The following CERS1 variants were observed in gnomAD, a reference collection of about 807,000 sequenced individuals.
CERS1 encodes the protein Embryonic growth/differentiation factor 1.
A neutral mutation model predicts 35.7 loss-of-function variants in CERS1; 16 were observed. The observed-to-expected ratio is 0.45, with a 90% CI of 0.30 to 0.68. The LOEUF (loss-of-function observed/expected upper bound fraction) is 0.68. CERS1 is among the 30% of genes least tolerant of loss of function. CERS1 has a pLI of 0.08. For synonymous variants in CERS1, 243 were observed against 201.6 expected (o/e 1.21, Z -1.74); for missense variants, 454 against 453.9 (o/e 1.00, Z 0.00).
In CERS1 at chr19:18,879,381, A is replaced by C; in HGVS notation, c.760T>G (p.Phe254Val). 1 of 1,565,820 alleles carries C rather than the reference A, an allele frequency of 6.4e-7. No individual in the cohort carries two copies. Among genetic ancestry groups the C allele is most frequent in the South Asian group, 1.2e-5 (1 of 85,246 alleles). The change falls in exon 5 of 8, where the codon TTC (phenylalanine) becomes GTC (valine). Residue 254 changes from phenylalanine to valine, a missense_variant. Physicochemically the swap from Phe to Val is conservative, Grantham distance 50. Transcript: ENST00000623882. ...TTGAGCGGGAACCAGTAGAGGCGGA[A>C]CCAGAACCTGCGGTGGGAGGAGTCA... ...CLSFGFSWFW[F>V]RLYWFPLKVL...
chr19:18,890,783 G>GAAAA (rs35488506), intron 2 of CERS1, among the ~76,000 whole-genome samples: 9 of 99,770 alleles, frequency 9.0e-5, no homozygotes, highest in Admixed American at 3.5e-4. Context: ...CGCGTCTGGG[G>GAAAA]AAAAAAAAAA....
At position 18,870,513 on chromosome 19, in the gene CERS1, G is replaced by A; in HGVS notation, c.*64C>T. The A allele has an allele frequency of 2.0e-6, 1 of 495,734 alleles. No homozygotes were observed. The highest frequency in any genetic ancestry group is 3.6e-6 in the Non-Finnish European group (1 of 276,034). 30.7% of individuals were successfully genotyped at this position (495,734 alleles called of 1,614,324 possible). A position where few individuals can be genotyped will look rare whatever the true frequency, so the allele number is the denominator to read the frequency against. ...TTGGAGGGGGTGGAGGGGCGGCCAA[G>A]GACGGGGAGCGTGGCCGGGGTATTC... On this transcript the variant is annotated 3_prime_UTR_variant, in exon 7 of 8. Coordinates refer to ENST00000623882, the MANE Select transcript of CERS1 (RefSeq NM_021267.5). This position sits in a 1 kb window ranked among gnomAD's most constrained non-coding sequence, Gnocchi z 5.1.
upstream of CERS1, chr19:18,896,807 C>T (rs759907823): frequency 2.6e-5 from 4 of 152,380 alleles, no homozygotes; most frequent in Admixed American, 6.5e-5. This position sits in a 1 kb window ranked among gnomAD's most constrained non-coding sequence, Gnocchi z 5.9. Context: ...CTGGGCACTT[C>T]CCAGGCATCT....
Position 18,868,557 on chromosome 19 carries a change from C to A in CERS1, c.*1428G>T. 2.7e-6 allele frequency: 4 copies of A among 1,463,396 alleles called. No homozygotes were observed. Among genetic ancestry groups the A allele is most frequent in the Non-Finnish European group, 3.7e-6 (4 of 1,069,914 alleles). The allele number at this position is 1,463,396 out of a possible 1,614,324, so 90.7% of individuals were successfully genotyped here. A position where few individuals can be genotyped will look rare whatever the true frequency, so the allele number is the denominator to read the frequency against. On this transcript the variant is annotated 3_prime_UTR_variant, in exon 8 of 8. Coordinates refer to ENST00000623882, the MANE Select transcript of CERS1 (RefSeq NM_021267.5). ...AAGGAGACCAGCGGAGCAGACCACG[C>A]GGCATTTATTGTTGGGCCCGCGTCC...
chr19:18,880,428 TG>T lies in CERS1; in HGVS notation c.597del (p.His199GlnfsTer96). On this transcript the variant is annotated frameshift_variant, in exon 4 of 8. Transcript: ENST00000623882. LOFTEE classifies it high-confidence loss of function. ...AGGAAGAGCACAAGGATGCCCACAT[TG>T]TGGTACCTGGGGGAGCAGCAGGCAG... ...LIVSSYAFRY[H>X]NVGILVLFLH... is the part of the protein sequence containing the mutation. The T allele has an allele frequency of 6.3e-7, 1 of 1,584,412 alleles. No individual in the cohort carries two copies. Among genetic ancestry groups the T allele is most frequent in the Non-Finnish European group, 8.6e-7 (1 of 1,163,518 alleles).
intron 7 of CERS1, 57 bp from the exon 8 acceptor site, chr19:18,869,447 G>C (rs1032216804): frequency 3.4e-4 from 509 of 1,514,508 alleles, no homozygotes; most frequent in Admixed American, 7.8e-4. Context: ...TGCCCATGGG[G>C]TCTCGGTTAG....
intron 2 of CERS1, 76 bp downstream of exon 2, chr19:18,893,340 G>A: frequency 2.0e-6 from 3 of 1,473,400 alleles, no homozygotes; most frequent in Non-Finnish European, 2.7e-6. Flanking sequence ...TCTGCCTCAT[G>A]AGTAGCTGGG....
intron 7 of CERS1, 143 bp from the exon 8 acceptor site, chr19:18,869,533 G>A: frequency 9.7e-6 from 9 of 926,088 alleles, no homozygotes; most frequent in Non-Finnish European, 1.2e-5. Flanking sequence ...GGGGTGGGCT[G>A]ATGGAGTGGG....
chr19:18,896,924 C>CCG (rs1555707697), upstream of CERS1, among the ~76,000 whole-genome samples: 2 of 132,090 alleles, frequency 1.5e-5, no homozygotes, highest in African/African-American at 3.0e-5. This position sits in a 1 kb window ranked among gnomAD's most constrained non-coding sequence, Gnocchi z 5.9. Context: ...CTGGGGAACC[C>CCG]GGGGGGGGGG....
intron 7 of CERS1, 111 bp from the exon 8 acceptor site, chr19:18,869,501 T>C (rs1345332165): frequency 2.3e-5 from 29 of 1,252,988 alleles, no homozygotes; most frequent in Non-Finnish European, 2.9e-5. Flanking sequence ...GCGCACCGTC[T>C]GTGGGAAGGG....
chr19:18,874,966 G>C (rs1400012191), intron 6 of CERS1, among the ~76,000 whole-genome samples: 1 of 152,206 alleles, frequency 6.6e-6, no homozygotes, highest in South Asian at 2.1e-4. Context: ...CAGGCAAAGT[G>C]GCTCATGCCT....
rs761391531 is a variant in CERS1 at position 18,893,471 on chromosome 19, G to T, written c.354C>A (p.Tyr118Ter). The stretch of plus-strand genomic sequence containing the variant: ...AGGGGTAGTCGGTGCCAAACAGCAG[G>T]TAGGCACTGTAGCTCCAGCTGCCCA... Reference protein sequence around the residue: ...FYLGSWSYSAYLLFGTDYPFF... With the variant: ...FYLGSWSYSA Residue 118 changes from tyrosine to a stop codon, truncating the protein, a stop_gained, in exon 2 of 8, where the codon TAC becomes TAA. Coordinates refer to ENST00000623882, the MANE Select transcript of CERS1 (RefSeq NM_021267.5). LOFTEE classifies it high-confidence loss of function. The T allele has an allele frequency of 6.2e-7, 1 of 1,607,026 alleles. No individual in the cohort carries two copies. The highest frequency in any genetic ancestry group is 2.2e-5 in the East Asian group (1 of 44,622).
rs754503898 is a variant in CERS1 at position 18,879,295 on chromosome 19, G to C, written c.846C>G (p.Phe282Leu). 1 of 1,613,270 alleles carries C rather than the reference G, an allele frequency of 6.2e-7. No individual in the cohort carries two copies. Among genetic ancestry groups the C allele is most frequent in the East Asian group, 2.2e-5 (1 of 44,874 alleles). The change falls in exon 5 of 8, where the codon TTC (phenylalanine) becomes TTG (leucine). Residue 282 changes from phenylalanine (F) to leucine (L), a missense_variant. Phe to Leu is a conservative substitution (Grantham distance 22). Coordinates refer to ENST00000623882, the MANE Select transcript of CERS1 (RefSeq NM_021267.5). ...GCAGCAGCAGGAGCGCATTGAAGAAGAAGTAGAAGGGGATGTCAGGCACCG... is the reference window on the plus strand; with the variant it reads ...GCAGCAGCAGGAGCGCATTGAAGAACAAGTAGAAGGGGATGTCAGGCACCG... ...LRTVPDIPFY[F>L]FFNALLLLLT...
In CERS1 at chr19:18,880,450, G is replaced by C. The variant is rs780029381; in HGVS notation, c.591-15C>G. The C allele has an allele frequency of 6.4e-6, 10 of 1,572,410 alleles. No homozygotes were observed. The highest frequency in any genetic ancestry group is 7.8e-6 in the Non-Finnish European group (9 of 1,155,962). The stretch of plus-strand genomic sequence containing the variant: ...CATTGTGGTACCTGGGGGAGCAGCA[G>C]GCAGAGAGGAGAGGGCAGCTCACAT... On this transcript the variant is annotated splice_polypyrimidine_tract_variant and intron_variant, in intron 3 of 7. Transcript: ENST00000623882.
At chr19:18,884,867 C>G (rs1478407699) in intron 2 of CERS1, among the ~76,000 whole-genome samples, 1 of 151,954 alleles carries the variant, frequency 6.6e-6, no homozygotes, top group African/African-American at 2.4e-5. Context: ...GCGCTGGACA[C>G]CATGCCCGGC....
chr19:18,883,909 C>T (rs1436731183), intron 3 of CERS1, among the ~76,000 whole-genome samples, 178 bp downstream of exon 3: 1 of 152,200 alleles, frequency 6.6e-6, no homozygotes, highest in East Asian at 1.9e-4. Flanking sequence ...CCCTCCTCAG[C>T]CTTCCTGCCT....
intron 6 of CERS1, among the ~76,000 whole-genome samples, chr19:18,875,363 T>C (rs188258462): frequency 2.2e-4 from 34 of 151,910 alleles, no homozygotes; most frequent in African/African-American, 7.7e-4. Flanking sequence ...CTGGCCAACA[T>C]GGTGAAACCC....
chr19:18,872,700 G>GTATATTT (rs368611543), intron 6 of CERS1, among the ~76,000 whole-genome samples: 1 of 151,796 alleles, frequency 6.6e-6, no homozygotes, highest in Non-Finnish European at 1.5e-5. Context: ...ATTTTTAGTA[G>GTATATTT]AGATGCGGTT....
chr19:18,879,032 A>T lies in CERS1; in HGVS notation c.908T>A (p.Val303Glu). The change falls in exon 6 of 8, where the codon GTG (valine) becomes GAG (glutamate). Residue 303 changes from valine (V) to glutamate (E), a missense_variant. Transcript: ENST00000623882. The stretch of plus-strand genomic sequence containing the variant: ...TGTCAACACCTTGGCTGCAAACGCC[A>T]CGATGTACTGCGAGAGGGGAGGGGA... Reference protein sequence around the residue: ...LMNLYWFLYIVAFAAKVLTGQ... With the variant: ...LMNLYWFLYIEAFAAKVLTGQ... 1 of 1,613,548 alleles carries T rather than the reference A, an allele frequency of 6.2e-7. No homozygotes were observed. Among genetic ancestry groups the T allele is most frequent in the Middle Eastern group, 1.7e-4 (1 of 6,060 alleles).
Sources: gnomAD v4.1 joint callset for allele counts (sites outside exome capture counted in the v4.1 genomes callset) on GRCh38, gnomAD v4.1.1 for gene constraint, Gnocchi (gnomAD v3.1) non-coding constraint, MANE v1.5 for transcripts, NCBI Gene and HGNC (gene_info 2026-07-23, HGNC 2026-07-21) for gene names.